The following FANCD2OS variants were observed in gnomAD, a reference collection of about 807,000 sequenced individuals.
FANCD2OS encodes the protein FANCD2 opposite strand, also known as FANCD2 opposite strand protein.
In FANCD2OS, 11 loss-of-function variants were observed where a neutral mutation model predicts 13.2. The ratio of observed to expected loss-of-function variants is 0.83; its 90% CI spans 0.52 to 1.38. The LOEUF is 1.38. Ranked by LOEUF, FANCD2OS falls within the 40% of genes most tolerant of loss-of-function variation. The pLI, the probability that FANCD2OS is intolerant of heterozygous loss-of-function variation, is 0.00. For synonymous variants in FANCD2OS, 69 were observed against 84.5 expected (o/e 0.82, Z 1.01); for missense variants, 217 against 213.9 (o/e 1.01, Z -0.09).
intron 2 of FANCD2OS, chr3:10,085,894 C>T (rs1240225716): frequency 6.2e-7 from 1 of 1,613,030 alleles, no homozygotes; most frequent in African/African-American, 1.3e-5. Context: ...ACAGGGAGAA[C>T]ACAGCCAGCC....
intron 2 of FANCD2OS, among the ~76,000 whole-genome samples, chr3:10,090,593 G>A (rs1694540018): frequency 6.6e-6 from 1 of 151,658 alleles, no homozygotes; most frequent in African/African-American, 2.4e-5. Context: ...TGAATAGCTG[G>A]GATTACAGGC....
At chr3:10,101,174 T>G (rs1695276973), downstream of FANCD2OS, 1 of 1,604,050 alleles carries the variant, frequency 6.2e-7, no homozygotes, top group Non-Finnish European at 8.5e-7. Context: ...ATTTATTTAT[T>G]CTTTGCCCCT....
intron 2 of FANCD2OS, among the ~76,000 whole-genome samples, chr3:10,092,768 C>T (rs540056452): frequency 2.7e-5 from 4 of 146,110 alleles, no homozygotes; most frequent in African/African-American, 1.0e-4. Flanking sequence ...TCACAGCTCA[C>T]TGCAGCCTCA....
At chr3:10,098,830 C>A (rs2125101069), downstream of FANCD2OS, 2 of 1,614,162 alleles carry the variant, frequency 1.2e-6, no homozygotes, top group East Asian at 2.2e-5. Context: ...CTCTACAAAA[C>A]CCACCAGAGT....
intron 2 of FANCD2OS, chr3:10,096,185 A>G (rs1694947091): frequency 1.2e-6 from 1 of 859,076 alleles, no homozygotes; most frequent in Non-Finnish European, 1.9e-6. Context: ...ACTCTGCCAA[A>G]CTATTCCTGT....
intron 1 of FANCD2OS, among the ~76,000 whole-genome samples, chr3:10,106,533 T>C (rs1257628728): frequency 6.6e-6 from 1 of 152,216 alleles, no homozygotes; most frequent in African/African-American, 2.4e-5. Flanking sequence ...GCAGCAGATC[T>C]CATCCTATCC....
At chr3:10,084,202 C>T (rs1224190110) in intron 2 of FANCD2OS, among the ~76,000 whole-genome samples, 1 of 151,868 alleles carries the variant, frequency 6.6e-6, no homozygotes, top group Non-Finnish European at 1.5e-5. Context: ...CCATCTTGGC[C>T]AGGCTGGTCT....
intron 2 of FANCD2OS, among the ~76,000 whole-genome samples, chr3:10,087,434 G>A (rs17609118): frequency 0.013 from 1,990 of 151,706 alleles, 21 homozygotes; most frequent in Admixed American, 0.03. Flanking sequence ...CAACCTGACT[G>A]ATTTCTGCTA....
At chr3:10,098,141 C>T (rs7622963), downstream of FANCD2OS, among the ~76,000 whole-genome samples, 36,545 of 151,832 alleles carry the variant, frequency 0.24, 5,838 homozygotes, top group African/African-American at 0.46. Context: ...ATATATAAAA[C>T]AGCACCACAG....
rs34641718 is a variant in FANCD2OS at position 10,093,658 on chromosome 3, C to T, written c.*43+10540G>A. Among the ~76,000 whole-genome samples, 144 of 152,284 alleles carry T rather than the reference C, an allele frequency of 9.5e-4. 1 individual carries two copies. In the East Asian group the frequency reaches 0.026, roughly 28 times the overall value. ...GGAGTAGATGATTTTTCTTTAAAGT[C>T]TATGGGTGGCCTTACAAATGTGGGA... On this transcript the variant is annotated intron_variant, in intron 2 of 2. Coordinates refer to the FANCD2OS transcript ENST00000524279.
In FANCD2OS at chr3:10,104,596, TCTAGGA is replaced by T. The variant is rs1695417784; in HGVS notation, c.173_178del (p.Val58_Leu59del). 6.2e-7 allele frequency: 1 copy of T among 1,614,068 alleles called. No individual in the cohort carries two copies. The highest frequency in any genetic ancestry group is 1.3e-5 in the African/African-American group (1 of 74,928). On this transcript the variant is annotated inframe_deletion, in exon 2 of 2. Coordinates refer to ENST00000450660, the MANE Select transcript of FANCD2OS (RefSeq NM_001164839.2). ...CACTCCAGATTCCAGGAATGGGCTG[TCTAGGA>T]CTAGAGTGACCTCTTGAAAGCACAG... is the stretch of plus-strand genomic sequence containing the variant.
At chr3:10,085,090 G>A (rs1310512726) in intron 2 of FANCD2OS, among the ~76,000 whole-genome samples, 1 of 152,166 alleles carries the variant, frequency 6.6e-6, no homozygotes, top group East Asian at 1.9e-4. Context: ...GAAGGGGTAA[G>A]TACCACTATG....
At chr3:10,086,538 C>G (rs376289007) in intron 2 of FANCD2OS, among the ~76,000 whole-genome samples, 5 of 152,000 alleles carry the variant, frequency 3.3e-5, no homozygotes, top group African/African-American at 1.2e-4. Context: ...GTCACCCAGG[C>G]TGGAGTGATC....
chr3:10,090,384 A>T lies in FANCD2OS; in HGVS notation c.*44-8853T>A, dbSNP rs1486214768. The T allele has an allele frequency of 6.3e-7, 1 of 1,594,872 alleles. No individual in the cohort carries two copies. The highest frequency in any genetic ancestry group is 1.7e-5 in the Admixed American group (1 of 59,680). On this transcript the variant is annotated intron_variant, in intron 2 of 2. Coordinates refer to the FANCD2OS transcript ENST00000524279. ...CCTGGCACAGCAGCAGACTCGCAGC[A>T]GGTGAGTAAGATAATAGTCACTTCA...
At chr3:10,088,825 C>T (rs766698512) in intron 2 of FANCD2OS, 1 of 1,613,912 alleles carries the variant, frequency 6.2e-7, no homozygotes, top group South Asian at 1.1e-5. Context: ...ACTCTCAATG[C>T]AGTATCTACC....
downstream of FANCD2OS, among the ~76,000 whole-genome samples, chr3:10,100,994 G>A (rs559101209): frequency 2.0e-5 from 3 of 152,058 alleles, no homozygotes; most frequent in Admixed American, 6.5e-5. Flanking sequence ...GCTTGAACCC[G>A]GGAGGCAGAG....
rs1296349286 is a variant in FANCD2OS at position 10,105,767 on chromosome 3, A to T, written c.-8-985T>A. On this transcript the variant is annotated intron_variant, in intron 1 of 1. Transcript: ENST00000450660. ...CTCCATCTAAAAAAAAAAAAAAAAA[A>T]AAAATTATATATATATATATATATA... 5.2e-3 allele frequency among the ~76,000 whole-genome samples: 277 copies of T among 53,400 alleles called. 14 individuals carry two copies. The highest frequency in any genetic ancestry group is 0.048 in the African/African-American group (221 of 4,570). The allele number at this position is 53,400 out of a possible 152,430, so 35.0% of individuals were successfully genotyped here. A position where few individuals can be genotyped will look rare whatever the true frequency, so the allele number is the denominator to read the frequency against.
chr3:10,095,753 G>A (rs55914626), intron 2 of FANCD2OS, among the ~76,000 whole-genome samples: 2 of 152,138 alleles, frequency 1.3e-5, no homozygotes, highest in Non-Finnish European at 1.5e-5. Flanking sequence ...GTATTGTCAC[G>A]TTTTGTCTGA....
At chr3:10,090,433 G>T in intron 2 of FANCD2OS, 1 of 858,962 alleles carries the variant, frequency 1.2e-6, no homozygotes. Flanking sequence ...GGATTACTTG[G>T]AAGTTGCTGA....
Sources: gnomAD v4.1 joint callset for allele counts (sites outside exome capture counted in the v4.1 genomes callset) on GRCh38, gnomAD v4.1.1 for gene constraint, MANE v1.5 for transcripts, NCBI Gene and HGNC (gene_info 2026-07-23, HGNC 2026-07-21) for gene names.